The following CELF2 variants were observed in gnomAD, a reference collection of about 807,000 sequenced individuals.
CELF2 encodes the protein CUG triplet repeat RNA-binding protein 2.
A neutral mutation model predicts 62.6 loss-of-function variants in CELF2; 8 were observed. That is an observed-to-expected ratio of 0.13 (90% CI 0.07 to 0.23). CELF2 has a LOEUF of 0.23. Among genes scored for constraint, CELF2 ranks in the 10% least tolerant of loss-of-function variants. The pLI, the probability that CELF2 is intolerant of heterozygous loss-of-function variation, is 1.00. For synonymous variants in CELF2, 258 were observed against 250.0 expected (o/e 1.03, Z -0.30); for missense variants, 333 against 671.0 (o/e 0.50, Z 5.56).
At chr10:10,715,669 A>G in the CELF2 span, among the ~76,000 whole-genome samples, 19 of 152,328 alleles carry the variant, frequency 1.2e-4, no homozygotes, top group Admixed American at 2.6e-4. Context: ...GAGTTGGTGA[A>G]CAAGGATTTA....
chr10:11,271,634 C>T (rs1277311174), intron 7 of CELF2, among the ~76,000 whole-genome samples: 1 of 152,176 alleles, frequency 6.6e-6, no homozygotes, highest in Non-Finnish European at 1.5e-5. Context: ...CACTTTGGAA[C>T]ATAAGTGCTG....
intron 1 of CELF2, among the ~76,000 whole-genome samples, chr10:11,162,747 T>C (rs751110848): frequency 6.6e-6 from 1 of 152,220 alleles, no homozygotes; most frequent in Non-Finnish European, 1.5e-5. Flanking sequence ...AGTAGATTTT[T>C]GATGGTCACT....
chr10:11,129,346 T>G (rs1244773531), intron 1 of CELF2, among the ~76,000 whole-genome samples: 3 of 152,194 alleles, frequency 2.0e-5, no homozygotes, highest in Admixed American at 1.3e-4. Flanking sequence ...TCTCTTTTTT[T>G]GTTGTGTCTC....
the CELF2 span, among the ~76,000 whole-genome samples, chr10:10,706,953 C>G: frequency 2.0e-5 from 3 of 152,182 alleles, no homozygotes; most frequent in Non-Finnish European, 2.9e-5. Context: ...CTCAGAAGGC[C>G]TTTAATGTTA....
intron 2 of CELF2, among the ~76,000 whole-genome samples, chr10:11,196,067 T>G (rs2057393196): frequency 6.6e-6 from 1 of 152,044 alleles, no homozygotes; most frequent in Admixed American, 6.5e-5. Context: ...TGAGAATTAC[T>G]TTATCCTTTG....
intron 1 of CELF2, among the ~76,000 whole-genome samples, chr10:10,813,507 A>G (rs1202643650): frequency 1.3e-5 from 2 of 152,196 alleles, no homozygotes; most frequent in Non-Finnish European, 2.9e-5. Flanking sequence ...TGTGGCCCTC[A>G]CTGAAGTTGG....
intron 7 of CELF2, among the ~76,000 whole-genome samples, chr10:11,273,270 A>C (rs1284665357): frequency 6.6e-6 from 1 of 152,060 alleles, no homozygotes; most frequent in East Asian, 1.9e-4. Flanking sequence ...ACCGCCCAGC[A>C]GGAGAGGAGC....
At chr10:11,293,474 C>G (rs890828837) in intron 9 of CELF2, among the ~76,000 whole-genome samples, 1 of 152,218 alleles carries the variant, frequency 6.6e-6, no homozygotes, top group Non-Finnish European at 1.5e-5. Context: ...TGAGTAAGTT[C>G]CTAGCTCATT....
chr10:11,290,579 G>T lies in CELF2; in HGVS notation c.976+2027G>T, dbSNP rs565099511. Among the ~76,000 whole-genome samples the T allele has an allele frequency of 3.3e-5, 5 of 151,698 alleles. No individual in the cohort carries two copies. The highest frequency in any genetic ancestry group is 1.2e-4 in the African/African-American group (5 of 41,266). On this transcript the variant is annotated intron_variant, in intron 9 of 12. Coordinates refer to ENST00000633077, the MANE Select transcript of CELF2 (RefSeq NM_001326342.2). This position sits in a 1 kb window ranked among gnomAD's most constrained non-coding sequence, Gnocchi z 4.3. ...GACGGTCTAGGGCGACGGCCTAGGT[G>T]TTAGTCGGAAAGGAATTTTAAATGT...
At chr10:11,120,343 C>T (rs1257658040) in intron 1 of CELF2, among the ~76,000 whole-genome samples, 1 of 152,138 alleles carries the variant, frequency 6.6e-6, no homozygotes, top group Non-Finnish European at 1.5e-5. Context: ...GTGCTCCTTC[C>T]CCCTAGAAGC....
In CELF2 at chr10:11,237,114, G is replaced by A. The variant is rs1416166066; in HGVS notation, c.355-12039G>A. On this transcript the variant is annotated intron_variant, in intron 3 of 12. Transcript: ENST00000633077. The surrounding 1 kb of genome is among the most constrained non-coding windows in gnomAD (Gnocchi z 4.0). ...AATGACCAGAACTGGTGAGGAGGCT[G>A]TTTCGGGGATCCAGGTGAGCAGGAA... 3.3e-5 allele frequency among the ~76,000 whole-genome samples: 5 copies of A among 152,212 alleles called. No individual in the cohort carries two copies. The highest frequency in any genetic ancestry group is 1.2e-4 in the African/African-American group (5 of 41,444).
At chr10:11,061,175 A>G (rs1190617195) in intron 1 of CELF2, among the ~76,000 whole-genome samples, 1 of 152,246 alleles carries the variant, frequency 6.6e-6, no homozygotes, top group African/African-American at 2.4e-5. Context: ...AAGGAGATTG[A>G]AAGTGCTGTT....
At chr10:10,515,623 C>T in the CELF2 span, among the ~76,000 whole-genome samples, 20 of 152,240 alleles carry the variant, frequency 1.3e-4, no homozygotes, top group Non-Finnish European at 7.4e-5. Flanking sequence ...GTTAACGCCA[C>T]TTGAAACAAA....
chr10:10,903,574 A>G lies in CELF2; in HGVS notation c.54-16390A>G, dbSNP rs551561638. ...CTATAGGGAGTCTAAAGATGAGTCA[A>G]TGTGTAAAAATTGACTCCGTACATA... On this transcript the variant is annotated intron_variant, in intron 1 of 13. Coordinates refer to the CELF2 transcript ENST00000636488. Among the ~76,000 whole-genome samples, 7 of 152,352 alleles carry G rather than the reference A, an allele frequency of 4.6e-5. No individual in the cohort carries two copies. The East Asian group carries it at 9.6e-4, about 21-fold the overall frequency.
At chr10:11,325,242 A>G (rs2095660806) in intron 11 of CELF2, among the ~76,000 whole-genome samples, 1 of 152,176 alleles carries the variant, frequency 6.6e-6, no homozygotes, top group South Asian at 2.1e-4. Context: ...TCTCAAAGTC[A>G]TGAGACTCAG....
chr10:11,266,473 T>C, intron 5 of CELF2, 125 bp from the exon 6 acceptor site: 4 of 567,612 alleles, frequency 7.0e-6, no homozygotes, highest in Non-Finnish European at 1.2e-5. Flanking sequence ...TTTATTTTTA[T>C]GTACTACTGA....
At chr10:10,906,717 CTTTTTTTTTTT>C (rs397846553) in intron 1 of CELF2, among the ~76,000 whole-genome samples, 10 of 109,286 alleles carry the variant, frequency 9.2e-5, no homozygotes, top group Non-Finnish European at 1.5e-4. Context: ...TTTTTCTTTT[CTTTTTTTTTTT>C]TTTTTTTTTG....
rs1009665886 is a variant in CELF2, at chr10:11,103,334, T to A, written c.75-62152T>A. ...GATGCTTTCTTGTACATTATGGATTTTTTTTTTTTTTGCTTTTTTTATTCC... is the reference window on the plus strand; with the variant it reads ...GATGCTTTCTTGTACATTATGGATTATTTTTTTTTTTGCTTTTTTTATTCC... On this transcript the variant is annotated intron_variant, in intron 1 of 12. Transcript: ENST00000633077. Among the ~76,000 whole-genome samples, 8 of 75,918 alleles carry A rather than the reference T, an allele frequency of 1.1e-4. No homozygotes were observed. The Admixed American group carries it at 1.5e-3, about 14-fold the overall frequency. 49.8% of individuals were successfully genotyped at this position (75,918 alleles called of 152,430 possible).
the CELF2 span, among the ~76,000 whole-genome samples, chr10:10,475,463 G>A: frequency 7.9e-6 from 1 of 126,154 alleles, no homozygotes; most frequent in Non-Finnish European, 1.6e-5. Flanking sequence ...TTGAGCTCCT[G>A]TGCTTGGCCA....
Sources: allele counts gnomAD v4.1 joint callset (sites outside exome capture counted in the v4.1 genomes callset), GRCh38; gene constraint gnomAD v4.1.1; non-coding constraint Gnocchi (gnomAD v3.1); transcripts MANE v1.5; gene names NCBI Gene and HGNC (gene_info 2026-07-23, HGNC 2026-07-21).